PPP6R1: variants seen among roughly 807,000 people sequenced by gnomAD.
The protein encoded by PPP6R1 is serine/threonine-protein phosphatase 6 regulatory subunit 1.
Under a neutral mutation model 104.6 loss-of-function variants are expected in PPP6R1, and 39 were observed. The ratio of observed to expected loss-of-function variants is 0.37; its 90% CI spans 0.29 to 0.49. PPP6R1 has a LOEUF of 0.49. Ranked by LOEUF, PPP6R1 falls within the 20% of genes least tolerant of loss-of-function variation. PPP6R1 has a pLI of 0.98. For synonymous variants in PPP6R1, 549 were observed against 479.0 expected, an observed-to-expected ratio of 1.15 and a Z score of -1.91; for missense variants, 1,181 against 1,155.8, an observed-to-expected ratio of 1.02 and a Z score of -0.32.
At position 55,241,724 on chromosome 19, in the gene PPP6R1, G is replaced by C; in HGVS notation, c.846-85C>G. 2 of 1,416,902 alleles carry C rather than the reference G, an allele frequency of 1.4e-6. No homozygotes were observed. Among genetic ancestry groups the C allele is most frequent in the Non-Finnish European group, 1.9e-6 (2 of 1,066,364 alleles). The allele number at this position is 1,416,902 out of a possible 1,614,324, so 87.8% of individuals were successfully genotyped here. The stretch of plus-strand genomic sequence containing the variant: ...AGTAGGCACAAGGACCACGTCTGCA[G>C]GGTCTGGAGGAAAACGAGGAGCCAC... On this transcript the variant is annotated intron_variant, in intron 7 of 23. Transcript: ENST00000412770. The surrounding 1 kb of genome is among the most constrained non-coding windows in gnomAD (Gnocchi z 5.4).
rs1055667473 is a variant in PPP6R1, at chr19:55,231,932, T to G, written c.2176A>C (p.Ser726Arg). The G allele has an allele frequency of 1.9e-6, 3 of 1,571,182 alleles. No homozygotes were observed. Among genetic ancestry groups the G allele is most frequent in the Non-Finnish European group, 1.7e-6 (2 of 1,155,170 alleles). Residue 726 changes from serine to arginine, a missense_variant, in exon 19 of 24, where the codon AGC (serine) becomes CGC (arginine). Physicochemically the swap from Ser to Arg is moderately radical, Grantham distance 110. This residue lies in a region of PPP6R1 where 1,042 missense variants were observed against 955.6 expected (regional missense o/e 1.09). Coordinates refer to ENST00000412770, the MANE Select transcript of PPP6R1 (RefSeq NM_014931.4). ...FDPVPTDAPT[S>R]PRVSGEEELH... ...TCTTCCTCCCCGGAGACTCGGGGGC[T>G]GGTCGGGGCATCTGTAGGCACTGGG... is the stretch of plus-strand genomic sequence containing the variant.
Position 55,231,443 on chromosome 19 carries a change from T to C in PPP6R1, c.2426A>G (p.His809Arg). Residue 809 changes from histidine to arginine, a missense_variant, in exon 21 of 24, where the codon CAC becomes CGC. This residue lies in a region of PPP6R1 where 1,042 missense variants were observed against 955.6 expected (regional missense o/e 1.09). Transcript: ENST00000412770. ...VSIGDLQATF[H>R]GIRSAPSSSD... is the part of the protein sequence containing the mutation. ...GGAGCTGGGGGCAGAACGGATCCCG[T>C]GGAAGGTGGCCTGAAGGTCCCCGAT... The C allele has an allele frequency of 1.2e-6, 2 of 1,607,098 alleles. No homozygotes were observed. Among genetic ancestry groups the C allele is most frequent in the Non-Finnish European group, 1.7e-6 (2 of 1,177,352 alleles).
downstream of PPP6R1, chr19:55,228,997 G>A: frequency 2.1e-6 from 1 of 474,834 alleles, no homozygotes; most frequent in Non-Finnish European, 3.9e-6. Context: ...GCCTGGGGAG[G>A]TTAGGCCCAC....
At chr19:55,237,094 G>A in intron 15 of PPP6R1, 124 bp from the exon 16 acceptor site, 1 of 1,033,106 alleles carries the variant, frequency 9.7e-7, no homozygotes. Flanking sequence ...TTTGGTATCT[G>A]CAAATTCACA....
At chr19:55,246,431 A>G (rs1202817598) in intron 2 of PPP6R1, among the ~76,000 whole-genome samples, 5 of 151,868 alleles carry the variant, frequency 3.3e-5, no homozygotes, top group African/African-American at 1.2e-4. Context: ...AAAAAAAAAA[A>G]GTGTCTTTTC....
Position 55,245,644 on chromosome 19 carries a change from C to CT in PPP6R1, c.261dup (p.Asp88ArgfsTer7). On this transcript the variant is annotated frameshift_variant, in exon 3 of 24. Transcript: ENST00000412770. LOFTEE classifies it high-confidence loss of function. The surrounding 1 kb of genome is among the most constrained non-coding windows in gnomAD (Gnocchi z 6.4). ...AGGGCATCATTGATCTGGGGCACAT[C>CT]TGAGGTCAGAATCTCGCAGGCCACA... The CT allele has an allele frequency of 6.2e-7, 1 of 1,609,846 alleles. No homozygotes were observed. Among genetic ancestry groups the CT allele is most frequent in the Non-Finnish European group, 8.5e-7 (1 of 1,179,752 alleles).
intron 1 of PPP6R1, among the ~76,000 whole-genome samples, chr19:55,248,097 C>T (rs961439993): frequency 1.3e-5 from 2 of 152,214 alleles, no homozygotes; most frequent in African/African-American, 2.4e-5. Context: ...ATTCTGAGCC[C>T]CTGCCCTGTA....
In PPP6R1 at chr19:55,230,851, G is replaced by C. The variant is rs778382017; in HGVS notation, c.2493C>G (p.Ala831=). ...ATRDPSTSVP[A]SGAHQPPQTT... is the part of the protein sequence containing the mutation. Reference sequence around the variant, plus strand: ...TCTGGGGGGGCTGGTGGGCCCCGGAGGCTGGGACAGAGGTAGAGGGGTCTC... The same window carrying C: ...TCTGGGGGGGCTGGTGGGCCCCGGACGCTGGGACAGAGGTAGAGGGGTCTC... Residue 831 remains alanine (A), a synonymous_variant, in exon 22 of 24, where the codon GCC becomes GCG. Coordinates refer to ENST00000412770, the MANE Select transcript of PPP6R1 (RefSeq NM_014931.4). 3.7e-6 allele frequency: 6 copies of C among 1,607,398 alleles called. No homozygotes were observed. Among genetic ancestry groups the C allele is most frequent in the Non-Finnish European group, 4.2e-6 (5 of 1,179,594 alleles).
intron 1 of PPP6R1, among the ~76,000 whole-genome samples, chr19:55,253,205 C>A (rs1156483257): frequency 1.3e-5 from 2 of 152,232 alleles, no homozygotes; most frequent in Admixed American, 1.3e-4. Flanking sequence ...ACATCAAGAC[C>A]AAGTAAAGAA....
chr19:55,239,579 T>C lies in PPP6R1; in HGVS notation c.1653+15A>G. On this transcript the variant is annotated intron_variant, in intron 14 of 23. Coordinates refer to ENST00000412770, the MANE Select transcript of PPP6R1 (RefSeq NM_014931.4). The stretch of plus-strand genomic sequence containing the variant: ...CAGCATAGCCCAGCACAGCCCCACA[T>C]AGCCCCACGCCCACCTGCTGCAGCA... 4 of 1,610,368 alleles carry C rather than the reference T, an allele frequency of 2.5e-6. No individual in the cohort carries two copies. The highest frequency in any genetic ancestry group is 2.2e-5 in the South Asian group (2 of 90,436).
Position 55,239,871 on chromosome 19 carries a change from T to C in PPP6R1, c.1518A>G (p.Val506=). 1.9e-6 allele frequency: 3 copies of C among 1,613,874 alleles called. No homozygotes were observed. Among genetic ancestry groups the C allele is most frequent in the Non-Finnish European group, 2.5e-6 (3 of 1,179,846 alleles). The change falls in exon 13 of 24, where the codon GTA becomes GTG. Residue 506 remains valine, a synonymous_variant. Transcript: ENST00000412770. ...TGTTGGTCTCCGCCAGGGGCCCCGA[T>C]ACGAAGGCTTCCCACTGCTCCTGCT... ...SEQQEQWEAF[V]SGPLAETNKK... is the part of the protein sequence containing the mutation.
At chr19:55,231,561 C>T in intron 20 of PPP6R1, 37 bp downstream of exon 20, 1 of 1,602,722 alleles carries the variant, frequency 6.2e-7, no homozygotes, top group Admixed American at 1.7e-5. Flanking sequence ...CTCTCTCTGC[C>T]CAGGGCCGCG....
Position 55,252,607 on chromosome 19 carries a change from G to T in PPP6R1, c.-6-5498C>A, listed in dbSNP as rs576876603. 2.0e-5 allele frequency among the ~76,000 whole-genome samples: 3 copies of T among 152,108 alleles called. No individual in the cohort carries two copies. In the East Asian group the frequency reaches 5.8e-4, roughly 30 times the overall value. ...AGTAAAGACGGGGTTTCACCATATT[G>T]GCCAGGCTGGTCTCGAACTACTGAC... On this transcript the variant is annotated intron_variant, in intron 1 of 23. Coordinates refer to ENST00000412770, the MANE Select transcript of PPP6R1 (RefSeq NM_014931.4).
At chr19:55,239,782 A>G in intron 13 of PPP6R1, 44 bp downstream of exon 13, 1 of 1,602,708 alleles carries the variant, frequency 6.2e-7, no homozygotes, top group Non-Finnish European at 8.5e-7. Context: ...GGCCCAAGAG[A>G]GAGAAGCAGC....
chr19:55,248,409 G>A (rs1264285502), intron 1 of PPP6R1, among the ~76,000 whole-genome samples: 1 of 152,226 alleles, frequency 6.6e-6, no homozygotes, highest in Non-Finnish European at 1.5e-5. Flanking sequence ...CAGAGCTCAC[G>A]CTCATTACCT....
At chr19:55,236,484 T>C (rs1568944578) in intron 17 of PPP6R1, 159 bp downstream of exon 17, 2 of 797,564 alleles carry the variant, frequency 2.5e-6, no homozygotes, top group South Asian at 2.2e-5. Flanking sequence ...ATTAGATTTC[T>C]ATCACTCAAA....
intron 17 of PPP6R1, among the ~76,000 whole-genome samples, chr19:55,234,872 CAG>C (rs1335147449): frequency 6.6e-6 from 1 of 152,174 alleles, no homozygotes; most frequent in Non-Finnish European, 1.5e-5. Context: ...CAAGTGAAAA[CAG>C]AGACAAAACT....
At chr19:55,240,912 CAGA>C (rs778679970) in intron 10 of PPP6R1, 30 bp downstream of exon 10, 1 of 1,597,618 alleles carries the variant, frequency 6.3e-7, no homozygotes, top group South Asian at 1.1e-5. Flanking sequence ...GGGATGGGCC[CAGA>C]AGGAGGGGGA....
intron 1 of PPP6R1, among the ~76,000 whole-genome samples, chr19:55,252,082 AAAAG>A (rs2087557804): frequency 6.6e-6 from 1 of 152,228 alleles, no homozygotes; most frequent in Non-Finnish European, 1.5e-5. Context: ...ATAGAGACAG[AAAAG>A]AGCTTACAGG....
Sources: allele counts gnomAD v4.1 joint callset (sites outside exome capture counted in the v4.1 genomes callset), GRCh38; gene constraint gnomAD v4.1.1; regional missense constraint gnomAD v4.1.1; non-coding constraint Gnocchi (gnomAD v3.1); transcripts MANE v1.5; gene names NCBI Gene and HGNC (gene_info 2026-07-23, HGNC 2026-07-21).